CRBN: variants seen among roughly 807,000 people sequenced by gnomAD.
CRBN encodes protein cereblon.
A neutral mutation model predicts 62.2 loss-of-function variants in CRBN; 53 were observed. That is an observed-to-expected ratio of 0.85 (90% confidence interval 0.68 to 1.07). The LOEUF is 1.07. Ranked by LOEUF, CRBN falls within the 50% of genes least tolerant of loss-of-function variation. CRBN has a pLI of 0.00. For synonymous variants in CRBN, 208 were observed against 176.1 expected (o/e 1.18, Z -1.43); for missense variants, 616 against 531.1 (o/e 1.16, Z -1.57).
At chr3:3,152,347 G>T (rs1190403822) in intron 10 of CRBN, 109 bp downstream of exon 10, 3 of 1,211,602 alleles carry the variant, frequency 2.5e-6, no homozygotes, top group Non-Finnish European at 3.6e-6. Context: ...TCATTTGTCT[G>T]TCTACTTTTT....
At chr3:3,162,931 A>G (rs1707196679) in intron 5 of CRBN, among the ~76,000 whole-genome samples, 1 of 152,220 alleles carries the variant, frequency 6.6e-6, no homozygotes, top group Admixed American at 6.5e-5. Flanking sequence ...ACTGTTACAT[A>G]ATCCAGCCCT....
chr3:3,179,591 C>T (rs748599706), intron 1 of CRBN, 30 bp downstream of exon 1: 3 of 1,609,394 alleles, frequency 1.9e-6, no homozygotes, highest in Non-Finnish European at 2.6e-6. Context: ...GCCCCACTCC[C>T]GACTACAGGG....
At position 3,158,988 on chromosome 3, in the gene CRBN, G is replaced by A. The variant is rs1216768920; in HGVS notation, c.688-2707C>T. On this transcript the variant is annotated intron_variant, in intron 5 of 10. Transcript: ENST00000231948. Reference sequence around the variant, plus strand: ...TAGTGAGTTCTCACGAGATCTGATGGTTTTATTAAGACGGTTTTGACCCTT... The same window carrying A: ...TAGTGAGTTCTCACGAGATCTGATGATTTTATTAAGACGGTTTTGACCCTT... Among the ~76,000 whole-genome samples, 7 of 152,180 alleles carry A rather than the reference G, an allele frequency of 4.6e-5. No individual in the cohort carries two copies. The South Asian group carries it at 6.2e-4, about 14-fold the overall frequency.
At chr3:3,162,544 C>G (rs969913594) in intron 5 of CRBN, among the ~76,000 whole-genome samples, 1 of 152,146 alleles carries the variant, frequency 6.6e-6, no homozygotes, top group Non-Finnish European at 1.5e-5. Flanking sequence ...TCTAATGCTT[C>G]CTTGTCAGAA....
chr3:3,168,063 A>C (rs1707421291), intron 4 of CRBN, among the ~76,000 whole-genome samples: 1 of 152,124 alleles, frequency 6.6e-6, no homozygotes, highest in Non-Finnish European at 1.5e-5. Flanking sequence ...ATTTCAGATA[A>C]ATACAGAGTC....
chr3:3,159,957 G>T (rs1669336), intron 5 of CRBN, among the ~76,000 whole-genome samples: 67,791 of 151,952 alleles, frequency 0.45, 16,963 homozygotes, highest in Middle Eastern at 0.65. Flanking sequence ...TCATAAAATG[G>T]TTATACCTCA....
intron 4 of CRBN, 100 bp from the exon 5 acceptor site, chr3:3,167,893 C>T (rs1055153572): frequency 8.8e-7 from 1 of 1,131,180 alleles, no homozygotes; most frequent in Non-Finnish European, 1.3e-6. Flanking sequence ...CAAGATTTTC[C>T]AAGTTTTATC....
In CRBN at chr3:3,175,281, G is replaced by C; in HGVS notation, c.68-12C>G. The C allele has an allele frequency of 6.5e-7, 1 of 1,533,494 alleles. No homozygotes were observed. Among genetic ancestry groups the C allele is most frequent in the Non-Finnish European group, 9.0e-7 (1 of 1,111,588 alleles). 95.0% of individuals were successfully genotyped at this position (1,533,494 alleles called of 1,614,324 possible). On this transcript the variant is annotated splice_polypyrimidine_tract_variant and intron_variant, in intron 1 of 10. Transcript: ENST00000231948. The stretch of plus-strand genomic sequence containing the variant: ...TTCCTCACTCTCTGCTATAAAAGTA[G>C]AATATTGTAAGAAAAAAAAAAAGAT...
Position 3,179,617 on chromosome 3 carries a change from T to C in CRBN, c.67+4A>G. On this transcript the variant is annotated splice_donor_region_variant and intron_variant, in intron 1 of 10. Coordinates refer to ENST00000231948, the MANE Select transcript of CRBN (RefSeq NM_016302.4). ...GACTACAGGGAACTACTCCGGGCGGTTACCAGGCAGGAGCGGCAGGTGGTT... is the reference window on the plus strand; with the variant it reads ...GACTACAGGGAACTACTCCGGGCGGCTACCAGGCAGGAGCGGCAGGTGGTT... 6.2e-7 allele frequency: 1 copy of C among 1,613,536 alleles called. No homozygotes were observed. Among genetic ancestry groups the C allele is most frequent in the Non-Finnish European group, 8.5e-7 (1 of 1,179,578 alleles).
In CRBN at chr3:3,158,433, T is replaced by C. The variant is rs190328410; in HGVS notation, c.688-2152A>G. Among the ~76,000 whole-genome samples, 29 of 152,312 alleles carry C rather than the reference T, an allele frequency of 1.9e-4. No homozygotes were observed. The East Asian group carries it at 4.1e-3, about 21-fold the overall frequency. The stretch of plus-strand genomic sequence containing the variant: ...GATGGCCTCCTACTGTGTGCTCTGG[T>C]AGTGGTTAAAGCCTGAGGAGTCAGA... On this transcript the variant is annotated intron_variant, in intron 5 of 10. Transcript: ENST00000231948.
intron 2 of CRBN, 33 bp downstream of exon 2, chr3:3,175,130 C>CTACATTTAAATG: frequency 7.7e-7 from 1 of 1,295,304 alleles, no homozygotes; most frequent in Non-Finnish European, 1.1e-6. Flanking sequence ...AAATGTATAT[C>CTACATTTAAATG]TATTATATTA....
chr3:3,162,489 C>T (rs1707182037), intron 5 of CRBN, among the ~76,000 whole-genome samples: 1 of 152,142 alleles, frequency 6.6e-6, no homozygotes, highest in Non-Finnish European at 1.5e-5. Flanking sequence ...TTCCTAATTA[C>T]ACTGGCCTAA....
chr3:3,179,509 C>A (rs1485476475), intron 1 of CRBN, 112 bp downstream of exon 1: 4 of 1,044,822 alleles, frequency 3.8e-6, no homozygotes, highest in Non-Finnish European at 5.9e-6. Flanking sequence ...CCCTGCTGGG[C>A]TGGCTCGCCA....
At position 3,179,680 on chromosome 3, in the gene CRBN, C is replaced by T. The variant is rs1183222102; in HGVS notation, c.8G>A (p.Gly3Asp). The change falls in exon 1 of 11, where the codon GGC (glycine) becomes GAC (aspartate). Residue 3 changes from glycine (G) to aspartate (D), a missense_variant. Transcript: ENST00000231948. ...CGCAGCGTCCTGCTGATCTCCTTCG[C>T]CGGCCATGTCTGTTTACCCGCAAAG... The part of the protein sequence containing the change: MA[G>D]EGDQQDAAHN... 2.5e-6 allele frequency: 4 copies of T among 1,613,200 alleles called. No individual in the cohort carries two copies. The South Asian group carries it at 4.4e-5, about 18-fold the overall frequency.
intron 4 of CRBN, 93 bp downstream of exon 4, chr3:3,172,682 CA>C: frequency 7.4e-7 from 1 of 1,352,294 alleles, no homozygotes; most frequent in Non-Finnish European, 1.1e-6. Context: ...TTAAAAGTTA[CA>C]AAATATGAAG....
intron 4 of CRBN, among the ~76,000 whole-genome samples, chr3:3,168,358 A>G (rs1200835138): frequency 6.6e-6 from 1 of 152,186 alleles, no homozygotes. Flanking sequence ...TTAACTGTAC[A>G]AAGGATCAAA....
At chr3:3,158,344 C>A (rs988888444) in intron 5 of CRBN, among the ~76,000 whole-genome samples, 1 of 152,180 alleles carries the variant, frequency 6.6e-6, no homozygotes, top group African/African-American at 2.4e-5. Context: ...CGGTTCCTAA[C>A]AGGCCACAGA....
intron 4 of CRBN, among the ~76,000 whole-genome samples, chr3:3,171,394 A>C (rs1044799247): frequency 1.0e-4 from 15 of 149,090 alleles, no homozygotes; most frequent in South Asian, 2.2e-4. Flanking sequence ...GACCACCCCC[A>C]CCCGCCCCAG....
At chr3:3,174,020 A>G (rs1239819084) in intron 3 of CRBN, 39 bp downstream of exon 3, 2 of 1,528,476 alleles carry the variant, frequency 1.3e-6, no homozygotes, top group Non-Finnish European at 1.8e-6. Flanking sequence ...ATTACCCATG[A>G]GAGGGAATGT....
Sources: gnomAD v4.1 joint callset for allele counts (sites outside exome capture counted in the v4.1 genomes callset) on GRCh38, gnomAD v4.1.1 for gene constraint, MANE v1.5 for transcripts, NCBI Gene and HGNC (gene_info 2026-07-23, HGNC 2026-07-21) for gene names.